TENM3: variants seen among roughly 807,000 people sequenced by gnomAD.
The protein encoded by TENM3 is teneurin transmembrane protein 3.
In TENM3, 63 loss-of-function variants were observed where a neutral mutation model predicts 255.1. That is an observed-to-expected ratio of 0.25 (90% confidence interval 0.20 to 0.30). The LOEUF is 0.30. Among genes scored for constraint, TENM3 ranks in the 10% least tolerant of loss-of-function variants. The probability of loss-of-function intolerance (pLI) is 1.00; values close to 1 mark genes in which losing one functional copy is unlikely to be tolerated. For synonymous variants in TENM3, 1,306 were observed against 1,322.3 expected, an observed-to-expected ratio of 0.99 and a Z score of 0.27; for missense variants, 2,929 against 3,461.1, an observed-to-expected ratio of 0.85 and a Z score of 3.86.
At chr4:182,562,102 A>G (rs1431514208) in intron 3 of TENM3, among the ~76,000 whole-genome samples, 2 of 152,300 alleles carry the variant, frequency 1.3e-5, no homozygotes, top group Non-Finnish European at 1.5e-5. Context: ...GTCAAACTTA[A>G]TATAAAGATA....
chr4:181,983,858 T>G, the TENM3 span, among the ~76,000 whole-genome samples: 1 of 152,130 alleles, frequency 6.6e-6, no homozygotes, highest in Non-Finnish European at 1.5e-5. Flanking sequence ...TCCCAAATCT[T>G]TGTACTCTAT....
chr4:182,430,030 C>A (rs548380169), intron 3 of TENM3, among the ~76,000 whole-genome samples: 1 of 152,314 alleles, frequency 6.6e-6, no homozygotes, highest in East Asian at 1.9e-4. Flanking sequence ...CTGACTCCTG[C>A]GTCTGTGGTC....
At chr4:182,505,945 A>T (rs997255018) in intron 3 of TENM3, among the ~76,000 whole-genome samples, 12 of 152,208 alleles carry the variant, frequency 7.9e-5, no homozygotes, top group African/African-American at 2.9e-4. Context: ...TCTCTAAGGA[A>T]AGGTAGATGT....
chr4:181,518,504 T>C, the TENM3 span, among the ~76,000 whole-genome samples: 8 of 151,978 alleles, frequency 5.3e-5, no homozygotes, highest in African/African-American at 1.9e-4. Flanking sequence ...CTCGGCTCAC[T>C]GCAACCTCCG....
chr4:181,525,375 C>T, the TENM3 span, among the ~76,000 whole-genome samples: 1 of 115,176 alleles, frequency 8.7e-6, no homozygotes, highest in African/African-American at 3.2e-5. Context: ...CCAGCCTGGG[C>T]GGTAGAGCAA....
the TENM3 span, among the ~76,000 whole-genome samples, chr4:181,677,748 G>A: frequency 1.9e-4 from 29 of 152,172 alleles, no homozygotes; most frequent in Admixed American, 1.5e-3. Context: ...GATCAGCCAT[G>A]TCTTTCGTGA....
At chr4:181,725,931 C>G in the TENM3 span, among the ~76,000 whole-genome samples, 3 of 151,942 alleles carry the variant, frequency 2.0e-5, no homozygotes, top group Non-Finnish European at 4.4e-5. Context: ...AATGCCAAGA[C>G]TCAAGACATG....
chr4:181,498,824 T>C, the TENM3 span, among the ~76,000 whole-genome samples: 1 of 152,170 alleles, frequency 6.6e-6, no homozygotes, highest in African/African-American at 2.4e-5. Context: ...GGATATCATA[T>C]AGCATTAACT....
chr4:182,269,135 G>T lies in TENM3; in HGVS notation c.-76+25659G>T, dbSNP rs146986125. Among the ~76,000 whole-genome samples the T allele has an allele frequency of 2.6e-5, 4 of 152,222 alleles. No individual in the cohort carries two copies. The East Asian group carries it at 7.7e-4, about 29-fold the overall frequency. On this transcript the variant is annotated intron_variant, in intron 1 of 27. Transcript: ENST00000511685. ...ACAGAGCTCTTGAAATGGACAGTTC[G>T]GAAATGCTAGTTTTTGACAGGTGTG...
At chr4:182,770,416 T>G (rs984885178) in intron 22 of TENM3, among the ~76,000 whole-genome samples, 1 of 152,156 alleles carries the variant, frequency 6.6e-6, no homozygotes, top group Non-Finnish European at 1.5e-5. Flanking sequence ...TGCTGGCCAC[T>G]GTGCCTCAGC....
Position 182,382,225 on chromosome 4 carries a change from C to T in TENM3, c.511+35296C>T, listed in dbSNP as rs562606668. 7.9e-5 allele frequency among the ~76,000 whole-genome samples: 12 copies of T among 152,092 alleles called. No individual in the cohort carries two copies. The South Asian group carries it at 2.5e-3, about 32-fold the overall frequency. On this transcript the variant is annotated intron_variant, in intron 3 of 27. Coordinates refer to ENST00000511685, the MANE Select transcript of TENM3 (RefSeq NM_001080477.4). The stretch of plus-strand genomic sequence containing the variant: ...GGCTCTGTTTTGCTTGGACTATTTT[C>T]TTCATTATTTATAAGAAGAAAAAAG...
chr4:181,900,859 TTCTC>T, the TENM3 span, among the ~76,000 whole-genome samples: 5,529 of 152,298 alleles, frequency 0.036, 94 homozygotes, highest in Non-Finnish European at 0.041. Flanking sequence ...AGTTTCTTTA[TTCTC>T]TCTCAAGTGG....
At chr4:181,526,987 T>C in the TENM3 span, among the ~76,000 whole-genome samples, 1 of 152,162 alleles carries the variant, frequency 6.6e-6, no homozygotes, top group Non-Finnish European at 1.5e-5. Flanking sequence ...CCTACGGCCC[T>C]TCCCAACTTG....
the TENM3 span, among the ~76,000 whole-genome samples, chr4:181,870,115 G>A: frequency 2.4e-4 from 37 of 152,216 alleles, no homozygotes; most frequent in East Asian, 6.6e-3. Context: ...TTCATTCAAC[G>A]TGATGTTTTT....
At chr4:181,985,422 G>A in the TENM3 span, among the ~76,000 whole-genome samples, 2 of 151,950 alleles carry the variant, frequency 1.3e-5, no homozygotes, top group African/African-American at 4.8e-5. Context: ...TTATCACTAG[G>A]TAAAATAATC....
chr4:181,802,601 G>A, the TENM3 span, among the ~76,000 whole-genome samples: 2 of 152,146 alleles, frequency 1.3e-5, no homozygotes, highest in African/African-American at 4.8e-5. Context: ...CTTTGATATA[G>A]TTTTGAGACT....
At chr4:181,541,653 C>G in the TENM3 span, among the ~76,000 whole-genome samples, 2 of 152,196 alleles carry the variant, frequency 1.3e-5, no homozygotes, top group African/African-American at 2.4e-5. Flanking sequence ...GGATGGCCCT[C>G]CCACAACTGG....
chr4:181,488,892 C>T, the TENM3 span, among the ~76,000 whole-genome samples: 15 of 152,134 alleles, frequency 9.9e-5, no homozygotes, highest in Non-Finnish European at 1.6e-4. Flanking sequence ...TGCCTCGTCA[C>T]GAACCTGGCT....
intron 3 of TENM3, among the ~76,000 whole-genome samples, chr4:182,386,793 C>T (rs978237788): frequency 1.4e-4 from 21 of 152,226 alleles, no homozygotes; most frequent in African/African-American, 4.6e-4. Context: ...TCCCGCGGGG[C>T]AGGCCTCCGG....
Sources: allele counts gnomAD v4.1 joint callset (sites outside exome capture counted in the v4.1 genomes callset), GRCh38; gene constraint gnomAD v4.1.1; transcripts MANE v1.5; gene names NCBI Gene and HGNC (gene_info 2026-07-23, HGNC 2026-07-21).